The following MCF2 variants were observed in gnomAD, a reference collection of about 807,000 sequenced individuals.
MCF2 encodes proto-oncogene DBL.
In MCF2, 44 loss-of-function variants were observed where a neutral mutation model predicts 82.5. The observed-to-expected ratio is 0.53, with a 90% CI of 0.42 to 0.69. The LOEUF (loss-of-function observed/expected upper bound fraction) is 0.69, where lower values mean the gene tolerates loss of function less well. Ranked by LOEUF, MCF2 falls within the 30% of genes least tolerant of loss-of-function variation. The pLI is 0.00. For synonymous variants in MCF2, 217 were observed against 224.9 expected (o/e 0.96, Z 0.32); for missense variants, 623 against 663.1 (o/e 0.94, Z 0.66).
At chrX:139,619,904 T>C (rs1932209780) in intron 6 of MCF2, among the ~76,000 whole-genome samples, 198 bp from the exon 10 acceptor site, 1 of 109,628 alleles carries the variant, frequency 9.1e-6, no homozygotes, top group Non-Finnish European at 1.9e-5. Context: ...TCTTGATGTA[T>C]AAAAGATCAC....
intron 1 of MCF2, among the ~76,000 whole-genome samples, chrX:139,683,863 A>T (rs1364750337): frequency 8.9e-6 from 1 of 112,446 alleles, no homozygotes; most frequent in Non-Finnish European, 1.9e-5. Flanking sequence ...TAAGAAGTAA[A>T]ACTATAAAAC....
chrX:139,589,650 T>C (rs1276361258), intron 20 of MCF2, among the ~76,000 whole-genome samples, 185 bp downstream of exon 24: 1 of 112,146 alleles, frequency 8.9e-6, no homozygotes, highest in Non-Finnish European at 1.9e-5. Flanking sequence ...ACCACAGGCA[T>C]ATCTCAATGT....
At chrX:139,665,897 GTATATATA>G (rs761065038) in intron 1 of MCF2, among the ~76,000 whole-genome samples, 58 of 68,556 alleles carry the variant, frequency 8.5e-4, no homozygotes, top group African/African-American at 1.5e-3. Context: ...AGGTGTGTGT[GTATATATA>G]TATATATATA....
intron 1 of MCF2, among the ~76,000 whole-genome samples, chrX:139,658,584 T>C (rs1934261097): frequency 9.1e-6 from 1 of 109,316 alleles, no homozygotes; most frequent in Admixed American, 9.8e-5. Flanking sequence ...AAATTTAAGA[T>C]ACATTATGAG....
intron 9 of MCF2, among the ~76,000 whole-genome samples, chrX:139,615,637 T>C (rs1376057836): frequency 3.6e-5 from 4 of 111,805 alleles, no homozygotes; most frequent in African/African-American, 1.3e-4. Context: ...TCCCCTAGGA[T>C]ATTCCGCTAA....
chrX:139,619,778 G>A, intron 6 of MCF2, 72 bp from the exon 10 acceptor site: 1 of 807,998 alleles, frequency 1.2e-6, no homozygotes. Context: ...TATACAAAAT[G>A]CTTTTAAACA....
chrX:139,671,519 G>A (rs1308681079), intron 1 of MCF2, among the ~76,000 whole-genome samples: 3 of 111,535 alleles, frequency 2.7e-5, no homozygotes, highest in African/African-American at 9.8e-5. Context: ...TCCAGTTTCA[G>A]CTTTCTACAT....
chrX:139,606,004 T>TTA (rs1182445943), intron 12 of MCF2, among the ~76,000 whole-genome samples: 3 of 78,545 alleles, frequency 3.8e-5, no homozygotes, highest in African/African-American at 5.2e-5. Flanking sequence ...TTTATATTCA[T>TTA]TATATATATA....
rs918402045 is a variant in MCF2, at chrX:139,660,047, C to T, written c.-44-8259G>A. Among the ~76,000 whole-genome samples the T allele has an allele frequency of 8.0e-5, 9 of 111,812 alleles. No homozygotes were observed. The East Asian group carries it at 2.5e-3, about 31-fold the overall frequency. On this transcript the variant is annotated intron_variant, in intron 1 of 27. Coordinates refer to the MCF2 transcript ENST00000414978. ...CATTCATTCATACCATTCATACATACCATTCATTCAAACTTCTCTTATTCA... is the reference window on the plus strand; with the variant it reads ...CATTCATTCATACCATTCATACATATCATTCATTCAAACTTCTCTTATTCA...
At chrX:139,689,933 G>T (rs1935218629) in intron 1 of MCF2, among the ~76,000 whole-genome samples, 1 of 111,978 alleles carries the variant, frequency 8.9e-6, no homozygotes, top group Non-Finnish European at 1.9e-5. Context: ...TGATTGTTCA[G>T]AAAGTTATTT....
chrX:139,637,121 A>T (rs1569374431), intron 1 of MCF2, among the ~76,000 whole-genome samples: 1 of 111,903 alleles, frequency 8.9e-6, no homozygotes, highest in Non-Finnish European at 1.9e-5. Context: ...TATAGTTTAT[A>T]GTACAATTTT....
At chrX:139,659,389 T>C (rs1384001899) in intron 1 of MCF2, among the ~76,000 whole-genome samples, 3 of 112,306 alleles carry the variant, frequency 2.7e-5, no homozygotes, top group Non-Finnish European at 5.6e-5. Flanking sequence ...ATTTAAACTA[T>C]ACTAAGTTTA....
intron 19 of MCF2, among the ~76,000 whole-genome samples, chrX:139,591,760 C>A (rs761061051): frequency 1.8e-5 from 2 of 109,925 alleles, no homozygotes; most frequent in Non-Finnish European, 3.8e-5. Flanking sequence ...GGGAGAGGGA[C>A]AAGGGTTGGA....
intron 1 of MCF2, among the ~76,000 whole-genome samples, chrX:139,635,815 T>G (rs772545489): frequency 9.0e-6 from 1 of 110,936 alleles, no homozygotes; most frequent in East Asian, 2.8e-4. Flanking sequence ...ATATTATTCC[T>G]TCACCTAGGT....
intron 19 of MCF2, 142 bp downstream of exon 23, chrX:139,596,407 C>T: frequency 2.2e-6 from 1 of 463,457 alleles, no homozygotes; most frequent in South Asian, 3.4e-5. Flanking sequence ...CTGACTTCTA[C>T]ATAAGACTTA....
At chrX:139,651,104 T>C (rs1448733083) in intron 2 of MCF2, among the ~76,000 whole-genome samples, 2 of 111,112 alleles carry the variant, frequency 1.8e-5, no homozygotes, top group East Asian at 5.6e-4. Context: ...ACTCCGGAGA[T>C]GGTGGTGGCA....
At chrX:139,589,777 C>T (rs925054965) in intron 20 of MCF2, 58 bp downstream of exon 24, 19 of 811,656 alleles carry the variant, frequency 2.3e-5, no homozygotes, top group Middle Eastern at 2.9e-4. Flanking sequence ...TTTATAAATT[C>T]GGGCTTTTGT....
chrX:139,631,059 T>C lies in MCF2; in HGVS notation c.288+336A>G, dbSNP rs149117616. Among the ~76,000 whole-genome samples, 14 of 111,954 alleles carry C rather than the reference T, an allele frequency of 1.3e-4. No homozygotes were observed. In the East Asian group the frequency reaches 3.7e-3, roughly 29 times the overall value. On this transcript the variant is annotated intron_variant, in intron 3 of 24. Coordinates refer to ENST00000370576, the Ensembl canonical transcript of MCF2. ...TGTATATTGACCAAGGTCATATAAC[T>C]AAAAATCAGCAGGGCCAGGATTTGA...
intron 11 of MCF2, 37 bp from the exon 16 acceptor site, chrX:139,607,816 T>C (rs1270108287): frequency 3.1e-6 from 3 of 957,849 alleles, no homozygotes; most frequent in African/African-American, 3.8e-5. Context: ...TTAGCACCTC[T>C]GTAGGTATAA....
Sources: allele counts gnomAD v4.1 joint callset (sites outside exome capture counted in the v4.1 genomes callset), GRCh38; gene constraint gnomAD v4.1.1; transcripts MANE v1.5; gene names NCBI Gene and HGNC (gene_info 2026-07-23, HGNC 2026-07-21).